The following ANKRD44 variants were observed in gnomAD, a reference collection of about 807,000 sequenced individuals.
ANKRD44 encodes serine/threonine-protein phosphatase 6 regulatory ankyrin repeat subunit B.
A neutral mutation model predicts 116.0 loss-of-function variants in ANKRD44; 35 were observed. That is an observed-to-expected ratio of 0.30 (90% CI 0.23 to 0.40). ANKRD44 has a LOEUF of 0.40. Among genes scored for constraint, ANKRD44 ranks in the 10% least tolerant of loss-of-function variants. The pLI, the probability that ANKRD44 is intolerant of heterozygous loss-of-function variation, is 1.00. For missense variants in ANKRD44, 1,014 were observed against 1,242.6 expected (o/e 0.82, Z 2.77); for synonymous variants, 435 against 461.8 (o/e 0.94, Z 0.74).
chr2:197,094,888 T>G (rs1249089200), intron 10 of ANKRD44, among the ~76,000 whole-genome samples: 1 of 152,214 alleles, frequency 6.6e-6, no homozygotes, highest in East Asian at 1.9e-4. Flanking sequence ...TTAAACACGC[T>G]AAAGTGGTTC....
chr2:197,010,393 G>T (rs962638450), intron 18 of ANKRD44, among the ~76,000 whole-genome samples: 1 of 152,120 alleles, frequency 6.6e-6, no homozygotes, highest in African/African-American at 2.4e-5. Context: ...CCCTTTCCTA[G>T]GCCAGACTGG....
chr2:197,177,874 T>G (rs1417565288), intron 2 of ANKRD44, among the ~76,000 whole-genome samples: 1 of 152,196 alleles, frequency 6.6e-6, no homozygotes, highest in Non-Finnish European at 1.5e-5. Context: ...CATATGCAGA[T>G]AAATACAAAG....
At chr2:196,982,110 A>T (rs74991188), downstream of ANKRD44, among the ~76,000 whole-genome samples, 462 of 14,854 alleles carry the variant, frequency 0.031, 25 homozygotes, top group East Asian at 0.33. Flanking sequence ...AAAAAAAATT[A>T]TATATATATA....
intron 2 of ANKRD44, among the ~76,000 whole-genome samples, chr2:197,168,560 G>A (rs965956434): frequency 2.6e-5 from 4 of 152,160 alleles, no homozygotes; most frequent in South Asian, 4.2e-4. Context: ...TTGTCACTTT[G>A]CTGTCCCCTG....
intron 16 of ANKRD44, among the ~76,000 whole-genome samples, chr2:197,051,998 C>T (rs76508583): frequency 1.0e-3 from 154 of 152,234 alleles, no homozygotes; most frequent in African/African-American, 3.6e-3. Flanking sequence ...GTTTAAACTT[C>T]GGGGTTACCA....
Position 197,118,670 on chromosome 2 carries a change from A to AGAAAGAAAGAAAGAAG in ANKRD44, c.906+2661_906+2662insCTTCTTTCTTTCTTTC, listed in dbSNP as rs752322121. ...AAGAAAGAAAGAAAGAAAGAAAGAA[A>AGAAAGAAAGAAAGAAG]GAAAGAAAAACCTAAATCATAATTT... On this transcript the variant is annotated intron_variant, in intron 8 of 27. Transcript: ENST00000282272. 7.9e-3 allele frequency among the ~76,000 whole-genome samples: 1,198 copies of AGAAAGAAAGAAAGAAG among 151,504 alleles called. 8 individuals carry two copies. Among genetic ancestry groups the AGAAAGAAAGAAAGAAG allele is most frequent in the South Asian group, 0.019 (92 of 4,788 alleles).
Position 197,203,032 on chromosome 2 carries a change from G to T in ANKRD44, c.28-15926C>A, listed in dbSNP as rs569475050. Among the ~76,000 whole-genome samples the T allele has an allele frequency of 2.8e-4, 42 of 152,066 alleles. No homozygotes were observed. The highest frequency in any genetic ancestry group is 5.4e-4 in the Non-Finnish European group (37 of 68,032). On this transcript the variant is annotated intron_variant, in intron 1 of 27. Transcript: ENST00000282272. The surrounding 1 kb of genome is among the most constrained non-coding windows in gnomAD (Gnocchi z 4.1). ...AATCCTAGCACAAGCGCTTGCAAAG[G>T]CTCTCCAGGTGACTCATACAGCTTC...
intron 1 of ANKRD44, among the ~76,000 whole-genome samples, chr2:197,254,478 C>T (rs1319440363): frequency 6.6e-6 from 1 of 152,136 alleles, no homozygotes; most frequent in Non-Finnish European, 1.5e-5. Context: ...AGTGTCCTAA[C>T]AGCGGAGGAG....
intron 1 of ANKRD44, among the ~76,000 whole-genome samples, chr2:197,255,992 T>C (rs2082436893): frequency 6.6e-6 from 1 of 152,192 alleles, no homozygotes. Context: ...CTTTAGAAAA[T>C]TGTTTGGAGG....
At chr2:197,205,640 G>A (rs1234800789) in intron 1 of ANKRD44, among the ~76,000 whole-genome samples, 1 of 152,110 alleles carries the variant, frequency 6.6e-6, no homozygotes, top group African/African-American at 2.4e-5. Context: ...GCCGATGGTG[G>A]GCCAGGCAAT....
downstream of ANKRD44, among the ~76,000 whole-genome samples, chr2:196,984,269 A>G (rs16860088): frequency 0.02 from 3,036 of 152,186 alleles, 112 homozygotes; most frequent in East Asian, 0.11. Context: ...GCTTGGAACT[A>G]TAAATACTCT....
chr2:197,295,778 G>A (rs768997191), intron 1 of ANKRD44, among the ~76,000 whole-genome samples: 18 of 152,118 alleles, frequency 1.2e-4, no homozygotes, highest in Non-Finnish European at 2.1e-4. Context: ...AAGCAAGGCT[G>A]GGCACGGTGG....
At chr2:197,142,221 G>C (rs2079384710) in intron 3 of ANKRD44, among the ~76,000 whole-genome samples, 1 of 152,100 alleles carries the variant, frequency 6.6e-6, no homozygotes, top group Admixed American at 6.5e-5. Context: ...TTTTCCAGAG[G>C]CAATATTTCT....
intron 1 of ANKRD44, among the ~76,000 whole-genome samples, chr2:197,251,407 G>A (rs1211405692): frequency 6.6e-6 from 1 of 152,140 alleles, no homozygotes; most frequent in Non-Finnish European, 1.5e-5. Flanking sequence ...GGACAATTGT[G>A]TGACTTCTTA....
chr2:197,282,752 A>G (rs1161905272), intron 1 of ANKRD44, among the ~76,000 whole-genome samples: 1 of 152,180 alleles, frequency 6.6e-6, no homozygotes, highest in Non-Finnish European at 1.5e-5. Context: ...TGAGGCCAGG[A>G]GTTCGGGACC....
chr2:197,106,607 G>A (rs1465539016), intron 9 of ANKRD44, among the ~76,000 whole-genome samples: 1 of 151,916 alleles, frequency 6.6e-6, no homozygotes, highest in Admixed American at 6.6e-5. Flanking sequence ...GGCTAACATG[G>A]TGAAAGCCCA....
At chr2:197,018,178 A>T (rs891172752) in intron 17 of ANKRD44, among the ~76,000 whole-genome samples, 1 of 152,188 alleles carries the variant, frequency 6.6e-6, no homozygotes, top group African/African-American at 2.4e-5. Context: ...TATTAATGCA[A>T]CCATTGGGTG....
chr2:196,990,629 T>C, intron 27 of ANKRD44: 1 of 1,231,928 alleles, frequency 8.1e-7, no homozygotes, highest in South Asian at 4.1e-5. Context: ...TTCAAGCTTC[T>C]TTCCTTTCCT....
At chr2:196,984,255 T>C (rs1465519885), downstream of ANKRD44, among the ~76,000 whole-genome samples, 2 of 152,168 alleles carry the variant, frequency 1.3e-5, no homozygotes, top group African/African-American at 4.8e-5. Context: ...TTGGTCTCCC[T>C]GGCGCTTGGA....
Sources: gnomAD v4.1 joint callset for allele counts (sites outside exome capture counted in the v4.1 genomes callset) on GRCh38, gnomAD v4.1.1 for gene constraint, Gnocchi (gnomAD v3.1) non-coding constraint, MANE v1.5 for transcripts, NCBI Gene and HGNC (gene_info 2026-07-23, HGNC 2026-07-21) for gene names.